CLIC5: variants seen among roughly 807,000 people sequenced by gnomAD.
CLIC5 encodes chloride intracellular channel protein 5.
A neutral mutation model predicts 24.7 loss-of-function variants in CLIC5; 20 were observed. That is an observed-to-expected ratio of 0.81 (90% CI 0.57 to 1.18). CLIC5 has a LOEUF of 1.18. Ranked by LOEUF, CLIC5 falls within the 50% of genes most tolerant of loss-of-function variation. The pLI, the probability that CLIC5 is intolerant of heterozygous loss-of-function variation, is 0.00. For synonymous variants in CLIC5, 159 were observed against 135.6 expected, an observed-to-expected ratio of 1.17 and a Z score of -1.20; for missense variants, 341 against 326.1, an observed-to-expected ratio of 1.05 and a Z score of -0.35.
the CLIC5 span, among the ~76,000 whole-genome samples, chr6:46,091,671 G>A: frequency 6.6e-5 from 10 of 152,310 alleles, no homozygotes; most frequent in Admixed American, 6.5e-5. Context: ...CCAGGAGGTC[G>A]AGGCTGCAGT....
chr6:46,033,805 C>A (rs1463022138), intron 1 of CLIC5, among the ~76,000 whole-genome samples: 1 of 152,140 alleles, frequency 6.6e-6, no homozygotes, highest in African/African-American at 2.4e-5. Context: ...TGACTGATAA[C>A]CTTCAATATA....
intron 1 of CLIC5, among the ~76,000 whole-genome samples, chr6:45,978,432 T>C (rs1245643932): frequency 6.6e-6 from 1 of 152,200 alleles, no homozygotes; most frequent in African/African-American, 2.4e-5. Context: ...AATATTTCAG[T>C]GAAGGTCTAT....
At chr6:46,035,185 C>T (rs886365806) in intron 1 of CLIC5, among the ~76,000 whole-genome samples, 2 of 152,114 alleles carry the variant, frequency 1.3e-5, no homozygotes, top group Non-Finnish European at 2.9e-5. Context: ...GTATCAATGG[C>T]AAAACCAGGC....
chr6:46,037,013 T>G (rs1158802528), intron 1 of CLIC5, among the ~76,000 whole-genome samples: 3 of 151,338 alleles, frequency 2.0e-5, no homozygotes, highest in African/African-American at 7.3e-5. Context: ...CCTTCCCCCA[T>G]TTTTTTTTCA....
chr6:45,897,546 T>G (rs1762410128), downstream of CLIC5, among the ~76,000 whole-genome samples: 1 of 152,182 alleles, frequency 6.6e-6, no homozygotes, highest in Non-Finnish European at 1.5e-5. Context: ...GCACCTGTCC[T>G]GAGACCCTAG....
At chr6:46,058,815 A>C (rs1029624593) in intron 1 of CLIC5, among the ~76,000 whole-genome samples, 4 of 150,714 alleles carry the variant, frequency 2.7e-5, no homozygotes, top group Admixed American at 2.6e-4. Flanking sequence ...CAGATTCCAC[A>C]AAAAAAAAGG....
the CLIC5 span, among the ~76,000 whole-genome samples, chr6:46,092,675 G>A: frequency 1.3e-5 from 2 of 152,016 alleles, no homozygotes; most frequent in Non-Finnish European, 1.5e-5. Context: ...ATTTATACAC[G>A]TGAAATTATA....
At chr6:45,914,103 T>C (rs1207669818) in intron 5 of CLIC5, 125 bp downstream of exon 5, 1 of 701,340 alleles carries the variant, frequency 1.4e-6, no homozygotes, top group African/African-American at 1.8e-5. Context: ...TGGGTCCTTA[T>C]TACCTGACTT....
Position 45,903,041 on chromosome 6 carries a change from G to C in CLIC5, c.*47C>G. 6.2e-7 allele frequency: 1 copy of C among 1,605,970 alleles called. No individual in the cohort carries two copies. Among genetic ancestry groups the C allele is most frequent in the Non-Finnish European group, 8.5e-7 (1 of 1,173,854 alleles). On this transcript the variant is annotated 3_prime_UTR_variant, in exon 6 of 6. Transcript: ENST00000339561. ...AGTCTATGAAGCTGGAGTCTTAGGG[G>C]AGTGGTTGAGTCCTTCTGCAGCGGG...
intron 1 of CLIC5, among the ~76,000 whole-genome samples, chr6:46,005,971 C>A (rs557365068): frequency 2.4e-5 from 3 of 126,966 alleles, no homozygotes; most frequent in South Asian, 2.5e-4. Context: ...TAGGACAGAG[C>A]CTATGTGTGT....
At chr6:46,086,976 C>G in the CLIC5 span, among the ~76,000 whole-genome samples, 1 of 152,178 alleles carries the variant, frequency 6.6e-6, no homozygotes, top group African/African-American at 2.4e-5. Flanking sequence ...GTTTTCATAA[C>G]CCTCATCTCA....
intron 4 of CLIC5, among the ~76,000 whole-genome samples, chr6:45,923,347 T>A (rs569559723): frequency 6.6e-5 from 10 of 152,334 alleles, no homozygotes; most frequent in African/African-American, 2.2e-4. Context: ...GACCTAGAGA[T>A]TTTTCTCAAT....
chr6:45,976,289 A>G (rs1219723002), intron 1 of CLIC5, among the ~76,000 whole-genome samples: 1 of 152,228 alleles, frequency 6.6e-6, no homozygotes, highest in African/African-American at 2.4e-5. Context: ...GGACATCGGA[A>G]AAGTGTCCTT....
the CLIC5 span, among the ~76,000 whole-genome samples, chr6:46,093,281 C>G: frequency 2.0e-5 from 3 of 152,164 alleles, no homozygotes; most frequent in African/African-American, 7.2e-5. Context: ...AGGTCAATAA[C>G]CACATCTTAT....
the CLIC5 span, among the ~76,000 whole-genome samples, chr6:46,126,705 A>G: frequency 1.3e-5 from 2 of 152,200 alleles, no homozygotes; most frequent in African/African-American, 4.8e-5. Flanking sequence ...TAAAAAGTGA[A>G]CCTTAAATAC....
At position 45,902,809 on chromosome 6, in the gene CLIC5, C is replaced by A; in HGVS notation, c.*279G>T. On this transcript the variant is annotated 3_prime_UTR_variant, in exon 6 of 6. Transcript: ENST00000339561. The stretch of plus-strand genomic sequence containing the variant: ...GTGGCAATCCCATATGTGGGCTCTC[C>A]AACACTGACTGACCCCAAACATGCT... The A allele has an allele frequency of 2.2e-6, 1 of 461,604 alleles. No individual in the cohort carries two copies. Among genetic ancestry groups the A allele is most frequent in the Non-Finnish European group, 3.9e-6 (1 of 258,036 alleles). The allele number at this position is 461,604 out of a possible 1,614,324, so 28.6% of individuals were successfully genotyped here.
exon 1 of CLIC5, chr6:46,080,085 G>A: frequency 6.4e-7 from 1 of 1,551,666 alleles, no homozygotes; most frequent in Non-Finnish European, 8.7e-7. Flanking sequence ...ATACTCATGG[G>A]TATTCAGCTG....
chr6:45,894,950 T>C (rs1762381155), downstream of CLIC5, among the ~76,000 whole-genome samples: 1 of 152,016 alleles, frequency 6.6e-6, no homozygotes, highest in Admixed American at 6.6e-5. Context: ...AACAGAAAAA[T>C]ATATTTGGCC....
intron 1 of CLIC5, among the ~76,000 whole-genome samples, chr6:46,008,733 A>C (rs1766692034): frequency 6.6e-6 from 1 of 152,236 alleles, no homozygotes; most frequent in African/African-American, 2.4e-5. Flanking sequence ...ACAAAGGAAG[A>C]AAAGAAAAAT....
Sources: gnomAD v4.1 joint callset for allele counts (sites outside exome capture counted in the v4.1 genomes callset) on GRCh38, gnomAD v4.1.1 for gene constraint, MANE v1.5 for transcripts, NCBI Gene and HGNC (gene_info 2026-07-23, HGNC 2026-07-21) for gene names.